Variants in CHN2 observed in about 807,000 individuals in gnomAD.
CHN2 encodes the protein chimerin 2, also known as beta-chimaerin.
A neutral mutation model predicts 56.3 loss-of-function variants in CHN2; 35 were observed. That is an observed-to-expected ratio of 0.62 (90% confidence interval 0.47 to 0.82). The LOEUF (loss-of-function observed/expected upper bound fraction) is 0.82, where lower values mean the gene tolerates loss of function less well. Ranked by LOEUF, CHN2 falls within the 40% of genes least tolerant of loss-of-function variation. The probability of loss-of-function intolerance (pLI) is 0.00; values close to 1 mark genes in which losing one functional copy is unlikely to be tolerated. For missense variants in CHN2, 491 were observed against 580.5 expected, an observed-to-expected ratio of 0.85 and a Z score of 1.58; for synonymous variants, 210 against 212.8, an observed-to-expected ratio of 0.99 and a Z score of 0.12.
intron 11 of CHN2, 42 bp downstream of exon 11, chr7:29,507,407 A>G (rs1488208077): frequency 1.4e-6 from 2 of 1,452,194 alleles, no homozygotes; most frequent in Non-Finnish European, 1.9e-6. Flanking sequence ...CCAAATTTTT[A>G]AGTACAGTGC....
At chr7:29,341,003 T>C (rs1333036007) in intron 1 of CHN2, among the ~76,000 whole-genome samples, 2 of 152,130 alleles carry the variant, frequency 1.3e-5, no homozygotes, top group Non-Finnish European at 2.9e-5. Flanking sequence ...AGGAGAGCGC[T>C]TACTGAGTGT....
At position 29,257,408 on chromosome 7, in the gene CHN2, T is replaced by A. The variant is rs146721859; in HGVS notation, c.49+62418T>A. Reference sequence around the variant, plus strand: ...TTTGGTGGTCTTCACTTCTTCCATATGCCAGTGTCAGCAACTCTGCTGTCC... The same window carrying A: ...TTTGGTGGTCTTCACTTCTTCCATAAGCCAGTGTCAGCAACTCTGCTGTCC... On this transcript the variant is annotated intron_variant, in intron 1 of 12. Transcript: ENST00000222792. Among the ~76,000 whole-genome samples the A allele has an allele frequency of 2.6e-5, 4 of 152,312 alleles. 1 individual carries two copies. The East Asian group carries it at 7.7e-4, about 29-fold the overall frequency.
At chr7:29,381,273 A>G (rs1235853328) in intron 3 of CHN2, among the ~76,000 whole-genome samples, 3 of 152,122 alleles carry the variant, frequency 2.0e-5, no homozygotes, top group Non-Finnish European at 4.4e-5. Context: ...GGGAGAAAAC[A>G]TTCATTTCAC....
At chr7:29,319,178 CTT>C (rs1396533444) in intron 1 of CHN2, among the ~76,000 whole-genome samples, 1 of 152,194 alleles carries the variant, frequency 6.6e-6, no homozygotes, top group East Asian at 1.9e-4. Context: ...ACCATAAACT[CTT>C]ATGTACTTCT....
At chr7:29,439,401 T>C (rs748424184) in intron 6 of CHN2, among the ~76,000 whole-genome samples, 2 of 152,236 alleles carry the variant, frequency 1.3e-5, no homozygotes, top group Non-Finnish European at 2.9e-5. Flanking sequence ...GACTCTGCCA[T>C]GTTCATTCTC....
chr7:29,172,002 G>A (rs1796667035), intron 2 of CHN2, among the ~76,000 whole-genome samples: 1 of 152,136 alleles, frequency 6.6e-6, no homozygotes, highest in Admixed American at 6.5e-5. Context: ...TGCAGTGGGT[G>A]GTACACAGGA....
intron 2 of CHN2, among the ~76,000 whole-genome samples, chr7:29,356,629 T>C (rs2128927977): frequency 6.6e-6 from 1 of 152,342 alleles, no homozygotes; most frequent in Non-Finnish European, 1.5e-5. Context: ...AAACATCTTG[T>C]TTTTATCTCT....
intron 11 of CHN2, among the ~76,000 whole-genome samples, chr7:29,508,806 T>G (rs1790928767): frequency 6.6e-6 from 1 of 152,160 alleles, no homozygotes; most frequent in South Asian, 2.1e-4. Context: ...AGAAGTGCCA[T>G]GAGTGCAGGC....
chr7:29,221,357 CAA>C (rs1785777607), intron 1 of CHN2, among the ~76,000 whole-genome samples: 1 of 152,126 alleles, frequency 6.6e-6, no homozygotes, highest in African/African-American at 2.4e-5. Context: ...TAAAAAAAAT[CAA>C]GTCTCTTTAT....
intron 2 of CHN2, among the ~76,000 whole-genome samples, chr7:29,361,684 C>T (rs1467085251): frequency 6.6e-6 from 1 of 152,156 alleles, no homozygotes; most frequent in Non-Finnish European, 1.5e-5. Context: ...CAGAGGGTTC[C>T]TAGAGAATGC....
intron 1 of CHN2, among the ~76,000 whole-genome samples, chr7:29,273,736 G>A (rs1187418351): frequency 6.6e-6 from 1 of 151,564 alleles, no homozygotes; most frequent in African/African-American, 2.4e-5. Flanking sequence ...TTTCAAAATA[G>A]TGTCATTGTT....
At chr7:29,437,430 C>T (rs1783312742) in intron 6 of CHN2, among the ~76,000 whole-genome samples, 1 of 116,678 alleles carries the variant, frequency 8.6e-6, no homozygotes, top group African/African-American at 4.0e-5. Flanking sequence ...AACCCCGTCT[C>T]TACTAAAAAT....
At chr7:29,164,642 G>A (rs977820203) in intron 2 of CHN2, among the ~76,000 whole-genome samples, 3 of 151,776 alleles carry the variant, frequency 2.0e-5, no homozygotes, top group Non-Finnish European at 4.4e-5. Context: ...TTAGCCACGC[G>A]TGGTGGCATA....
In CHN2 at chr7:29,329,823, A is replaced by G. The variant is rs534967537; in HGVS notation, c.50-24802A>G. ...TAGGTCATTTAAAGTTTCCTCTTAT[A>G]ACTCTTAAAACAGGAACTGTGGCTT... On this transcript the variant is annotated intron_variant, in intron 1 of 12. Coordinates refer to ENST00000222792, the MANE Select transcript of CHN2 (RefSeq NM_004067.4). Among the ~76,000 whole-genome samples the G allele has an allele frequency of 1.6e-4, 24 of 152,352 alleles. 1 individual carries two copies. In the South Asian group the frequency reaches 5.0e-3, roughly 32 times the overall value.
rs753738193 is a variant in CHN2 at position 29,509,268 on chromosome 7, T to C, written c.1130-33T>C. The C allele has an allele frequency of 7.9e-6, 12 of 1,524,984 alleles. No homozygotes were observed. The Admixed American group carries it at 8.5e-5, about 11-fold the overall frequency. 94.5% of individuals were successfully genotyped at this position (1,524,984 alleles called of 1,614,324 possible). On this transcript the variant is annotated intron_variant, in intron 11 of 12. Transcript: ENST00000222792. ...CTCTGAAAACTTGAATGCCACACTC[T>C]GAACTAATACCCATCATGCGTGAAC...
At chr7:29,354,098 G>C (rs559255774) in intron 1 of CHN2, among the ~76,000 whole-genome samples, 2 of 152,350 alleles carry the variant, frequency 1.3e-5, no homozygotes, top group Admixed American at 6.5e-5. Flanking sequence ...TTAATTCAAA[G>C]AGATAATGCA....
chr7:29,481,897 C>T (rs1787295386), intron 7 of CHN2, among the ~76,000 whole-genome samples: 1 of 152,042 alleles, frequency 6.6e-6, no homozygotes, highest in Non-Finnish European at 1.5e-5. Context: ...AATATGTTTG[C>T]ATGGAGTAGC....
intron 9 of CHN2, among the ~76,000 whole-genome samples, chr7:29,503,633 A>AG (rs570707260): frequency 7.1e-4 from 108 of 152,358 alleles, no homozygotes; most frequent in African/African-American, 2.5e-3. Context: ...AGGAGGGATG[A>AG]GGGGAAGTAT....
intron 1 of CHN2, among the ~76,000 whole-genome samples, chr7:29,333,466 A>C (rs3793288): frequency 0.21 from 32,141 of 152,176 alleles, 4,162 homozygotes; most frequent in Non-Finnish European, 0.29. Context: ...TTTCAGGAAG[A>C]AATTGGGGTC....
Sources: gnomAD v4.1 joint callset for allele counts (sites outside exome capture counted in the v4.1 genomes callset) on GRCh38, gnomAD v4.1.1 for gene constraint, MANE v1.5 for transcripts, NCBI Gene and HGNC (gene_info 2026-07-23, HGNC 2026-07-21) for gene names.